Variants in MDFIC2 observed in about 807,000 individuals in gnomAD.
The protein encoded by MDFIC2 is myoD family inhibitor domain-containing protein 2.
rs1359459559 is a variant in MDFIC2 at position 70,194,615 on chromosome 3, G to A, written c.*2311C>T. 6.6e-6 allele frequency among the ~76,000 whole-genome samples: 1 copy of A among 152,272 alleles called. No individual in the cohort carries two copies. Among genetic ancestry groups the A allele is most frequent in the South Asian group, 2.1e-4 (1 of 4,822 alleles). ...AAGTTAACAAACCGTGGAAAGCAAG[G>A]CCACAGAAAGATCTTGTAGTGTTCT... On this transcript the variant is annotated 3_prime_UTR_variant, in exon 4 of 4. Coordinates refer to ENST00000567252, the MANE Select transcript of MDFIC2 (RefSeq NM_001364677.1).
chr3:70,248,932 A>G (rs1464231048), intron 2 of MDFIC2, among the ~76,000 whole-genome samples: 3 of 152,180 alleles, frequency 2.0e-5, no homozygotes, highest in Non-Finnish European at 4.4e-5. Context: ...GCTTTAAGAC[A>G]TTATTCCAAT....
intron 3 of MDFIC2, chr3:70,204,640 A>G (rs1317768343): frequency 2.0e-5 from 3 of 151,524 alleles, no homozygotes; most frequent in African/African-American, 2.4e-5. Context: ...AATGAAGAGT[A>G]GTCAGCTATT....
intron 2 of MDFIC2, among the ~76,000 whole-genome samples, chr3:70,261,239 G>A (rs1037770435): frequency 2.6e-5 from 4 of 152,110 alleles, no homozygotes; most frequent in African/African-American, 7.2e-5. Flanking sequence ...AGTCAATCTT[G>A]GATTCTTAAA....
intron 2 of MDFIC2, among the ~76,000 whole-genome samples, chr3:70,308,778 T>C (rs1467909425): frequency 6.6e-6 from 1 of 152,134 alleles, no homozygotes; most frequent in East Asian, 1.9e-4. Flanking sequence ...GTCGAGAAGT[T>C]AGAAATAATA....
At chr3:70,232,904 C>G (rs894812412) in intron 2 of MDFIC2, among the ~76,000 whole-genome samples, 7 of 152,070 alleles carry the variant, frequency 4.6e-5, no homozygotes, top group African/African-American at 1.7e-4. Flanking sequence ...GTTTGAAGCC[C>G]TATGCTAGGC....
chr3:70,234,122 C>G (rs1283228897), intron 2 of MDFIC2, among the ~76,000 whole-genome samples: 1 of 152,084 alleles, frequency 6.6e-6, no homozygotes, highest in Non-Finnish European at 1.5e-5. Flanking sequence ...TCTAATGAGA[C>G]CCAGAAATAT....
At chr3:70,200,069 T>C (rs1305998635) in intron 3 of MDFIC2, among the ~76,000 whole-genome samples, 2 of 152,080 alleles carry the variant, frequency 1.3e-5, no homozygotes, top group Non-Finnish European at 2.9e-5. Flanking sequence ...CATCATACCT[T>C]CCCCATGCAA....
intron 2 of MDFIC2, among the ~76,000 whole-genome samples, chr3:70,276,626 T>C (rs1461273490): frequency 6.6e-6 from 1 of 152,244 alleles, no homozygotes; most frequent in African/African-American, 2.4e-5. Flanking sequence ...TACCTTCTAA[T>C]AATCTAAGGT....
chr3:70,195,218 T>C lies in MDFIC2; in HGVS notation c.*1708A>G, dbSNP rs1425287472. Among the ~76,000 whole-genome samples, 1 of 152,210 alleles carries C rather than the reference T, an allele frequency of 6.6e-6. No homozygotes were observed. The highest frequency in any genetic ancestry group is 1.5e-5 in the Non-Finnish European group (1 of 68,034). ...CCCTTCCTGTTCTAGGAATCTATTTTTTTTTCTTCTAATGATCTACAAGTT... is the reference window on the plus strand; with the variant it reads ...CCCTTCCTGTTCTAGGAATCTATTTCTTTTTCTTCTAATGATCTACAAGTT... On this transcript the variant is annotated 3_prime_UTR_variant, in exon 4 of 4. Transcript: ENST00000567252.
intron 2 of MDFIC2, among the ~76,000 whole-genome samples, chr3:70,279,354 C>T (rs1702057956): frequency 6.6e-6 from 1 of 151,986 alleles, no homozygotes; most frequent in Non-Finnish European, 1.5e-5. Flanking sequence ...AAACCAAATC[C>T]ATTCGATTCC....
intron 2 of MDFIC2, among the ~76,000 whole-genome samples, chr3:70,214,447 C>T (rs193223167): frequency 6.6e-6 from 1 of 151,874 alleles, no homozygotes; most frequent in Non-Finnish European, 1.5e-5. Flanking sequence ...AGAGAAAAGG[C>T]TAAAGTATAT....
intron 2 of MDFIC2, among the ~76,000 whole-genome samples, chr3:70,294,194 C>T (rs1273387739): frequency 6.6e-6 from 1 of 152,068 alleles, no homozygotes; most frequent in African/African-American, 2.4e-5. Context: ...TTACAGTTTT[C>T]TGTAGAATGA....
intron 2 of MDFIC2, among the ~76,000 whole-genome samples, chr3:70,239,052 T>C (rs1416125306): frequency 6.6e-6 from 1 of 152,138 alleles, no homozygotes; most frequent in Non-Finnish European, 1.5e-5. Flanking sequence ...GGCTTAAAAT[T>C]GGAGGCTGAA....
intron 2 of MDFIC2, chr3:70,291,031 A>G (rs1249448377): frequency 6.5e-6 from 1 of 153,138 alleles, no homozygotes; most frequent in African/African-American, 2.4e-5. Flanking sequence ...TGCTTCGCTC[A>G]CGCTGGGAGC....
At chr3:70,297,580 T>A (rs1299934483) in intron 2 of MDFIC2, among the ~76,000 whole-genome samples, 1 of 152,148 alleles carries the variant, frequency 6.6e-6, no homozygotes, top group Non-Finnish European at 1.5e-5. Context: ...TATATTTGTG[T>A]TATCGGAATT....
intron 2 of MDFIC2, among the ~76,000 whole-genome samples, chr3:70,265,837 C>T (rs998909165): frequency 6.6e-6 from 1 of 152,094 alleles, no homozygotes; most frequent in Non-Finnish European, 1.5e-5. Flanking sequence ...GAGTGCCAGC[C>T]GGGGAAATGC....
intron 2 of MDFIC2, among the ~76,000 whole-genome samples, chr3:70,235,569 T>C (rs967191710): frequency 8.5e-5 from 13 of 152,108 alleles, no homozygotes; most frequent in African/African-American, 3.1e-4. Flanking sequence ...ACATGGTCAG[T>C]CAGGCTCACG....
intron 2 of MDFIC2, among the ~76,000 whole-genome samples, chr3:70,243,853 T>G (rs1208348982): frequency 6.6e-6 from 1 of 152,182 alleles, no homozygotes; most frequent in African/African-American, 2.4e-5. Flanking sequence ...TAGGAGGATA[T>G]GTGGAGGAAT....
At chr3:70,291,909 C>T (rs1303740036) in intron 2 of MDFIC2, 2 of 152,196 alleles carry the variant, frequency 1.3e-5, no homozygotes, top group South Asian at 2.1e-4. Context: ...TTATCTTTCG[C>T]CTCTTACTTA....
Sources: allele counts gnomAD v4.1 joint callset (sites outside exome capture counted in the v4.1 genomes callset), GRCh38; gene constraint gnomAD v4.1.1; transcripts MANE v1.5; gene names NCBI Gene and HGNC (gene_info 2026-07-23, HGNC 2026-07-21).